LMF1: variants seen among roughly 807,000 people sequenced by gnomAD.
LMF1 encodes lipase maturation factor 1, also known as transmembrane protein 112.
LMF1 carries 68 observed loss-of-function variants against 60.6 expected under a neutral mutation model. The ratio of observed to expected loss-of-function variants is 1.12; its 90% CI spans 0.92 to 1.37. The LOEUF (loss-of-function observed/expected upper bound fraction) is 1.37, where lower values mean the gene tolerates loss of function less well. Among genes scored for constraint, LMF1 ranks in the 40% most tolerant of loss-of-function variants. LMF1 has a pLI of 0.00. For missense variants in LMF1, 948 were observed against 767.2 expected (o/e 1.24, Z -2.78); for synonymous variants, 418 against 324.7 (o/e 1.29, Z -3.09).
At chr16:904,435 C>G (rs12933983) in intron 4 of LMF1, among the ~76,000 whole-genome samples, 1 of 106,850 alleles carries the variant, frequency 9.4e-6, no homozygotes, top group Non-Finnish European at 1.8e-5. Flanking sequence ...GTGGTGACCT[C>G]TGCACTGCCT....
intron 5 of LMF1, among the ~76,000 whole-genome samples, chr16:883,029 C>G (rs57803393): frequency 0.032 from 4,409 of 137,762 alleles, 257 homozygotes; most frequent in Admixed American, 0.15. Context: ...GAGAAGCCAC[C>G]CAGCGGAGCC....
intron 4 of LMF1, among the ~76,000 whole-genome samples, chr16:895,746 C>A (rs2070645284): frequency 6.6e-6 from 1 of 152,226 alleles, no homozygotes; most frequent in Admixed American, 6.5e-5. Flanking sequence ...AAGAGCCCAG[C>A]CCGGCCCTAC....
rs1481813622 is a variant in LMF1 at position 970,803 on chromosome 16, G to C, written c.178C>G (p.Leu60Val). The change falls in exon 1 of 11, where the codon CTA becomes GTA. Residue 60 changes from leucine (L) to valine (V), a missense_variant. Coordinates refer to ENST00000262301, the MANE Select transcript of LMF1 (RefSeq NM_022773.4). The stretch of plus-strand genomic sequence containing the variant: ...CGGCACTCACAGTACACGAAGGCTA[G>C]GGCCTTCAGGAGCACGATCCGGGTC... ...WLTRIVLLKA[L>V]AFVYFVAFLV... 2 of 1,540,002 alleles carry C rather than the reference G, an allele frequency of 1.3e-6. No individual in the cohort carries two copies. Among genetic ancestry groups the C allele is most frequent in the Non-Finnish European group, 1.8e-6 (2 of 1,142,598 alleles).
intron 4 of LMF1, among the ~76,000 whole-genome samples, chr16:894,216 G>A (rs1413801864): frequency 3.1e-5 from 1 of 32,758 alleles, no homozygotes; most frequent in Non-Finnish European, 4.8e-5. Context: ...CCTGTCCACT[G>A]GACTGTCCGC....
rs112207193 is a variant in LMF1 at position 907,208 on chromosome 16, C to T, written c.663+3723G>A. ...CAAGGTCAGGAGGTCGAGACCATCC[C>T]GGCTAACACGGTGAAACCTAGTCTC... On this transcript the variant is annotated intron_variant, in intron 4 of 10. Coordinates refer to ENST00000262301, the MANE Select transcript of LMF1 (RefSeq NM_022773.4). Among the ~76,000 whole-genome samples the T allele has an allele frequency of 3.7e-3, 564 of 151,996 alleles. 9 individuals carry two copies. Among genetic ancestry groups the T allele is most frequent in the African/African-American group, 0.013 (519 of 41,434 alleles).
chr16:936,647 C>T (rs1250225088), intron 2 of LMF1, among the ~76,000 whole-genome samples: 7 of 152,192 alleles, frequency 4.6e-5, no homozygotes, highest in Non-Finnish European at 7.3e-5. Context: ...AGGATACACT[C>T]CCTGCCCCCC....
chr16:939,858 T>G (rs8055748), intron 2 of LMF1, among the ~76,000 whole-genome samples: 74,916 of 152,034 alleles, frequency 0.49, 20,735 homozygotes, highest in African/African-American at 0.75. Flanking sequence ...AGAGAAGCCC[T>G]GGGCAGTGGG....
intron 1 of LMF1, among the ~76,000 whole-genome samples, chr16:977,878 C>A (rs2073197019): frequency 6.7e-6 from 1 of 149,890 alleles, no homozygotes; most frequent in Non-Finnish European, 1.5e-5. Context: ...ACACCCACAC[C>A]CTGCACACAT....
intron 2 of LMF1, among the ~76,000 whole-genome samples, chr16:939,741 G>T (rs1029275352): frequency 6.6e-6 from 1 of 152,206 alleles, no homozygotes; most frequent in Non-Finnish European, 1.5e-5. Flanking sequence ...AAAAACTTTG[G>T]TTATTTCCAA....
intron 6 of LMF1, chr16:872,370 G>GTGTT (rs2069823921): frequency 6.6e-6 from 1 of 152,272 alleles, no homozygotes; most frequent in Admixed American, 6.5e-5. Context: ...AGCCACATCA[G>GTGTT]TGTTATGGGC....
rs2070705700 is a variant in LMF1, at chr16:897,818, G to A, written c.664-4746C>T. ...GGTGCCTGGGGTCCCGCCTGGCTCC[G>A]TGGCTTTCCTGTCTTCCTGGGATGG... is the stretch of plus-strand genomic sequence containing the variant. On this transcript the variant is annotated intron_variant, in intron 4 of 10. Coordinates refer to ENST00000262301, the MANE Select transcript of LMF1 (RefSeq NM_022773.4). This position sits in a 1 kb window ranked among gnomAD's most constrained non-coding sequence, Gnocchi z 4.3. Among the ~76,000 whole-genome samples, 1 of 152,208 alleles carries A rather than the reference G, an allele frequency of 6.6e-6. No individual in the cohort carries two copies. Among genetic ancestry groups the A allele is most frequent in the Non-Finnish European group, 1.5e-5 (1 of 68,018 alleles).
chr16:868,872 C>G (rs2069688566), intron 10 of LMF1, 72 bp downstream of exon 10: 3 of 967,030 alleles, frequency 3.1e-6, no homozygotes, highest in South Asian at 2.6e-5. Context: ...GGTGCAGGTA[C>G]AGGTGGTGGG....
At chr16:920,747 A>T (rs1567241285) in intron 3 of LMF1, among the ~76,000 whole-genome samples, 1 of 152,248 alleles carries the variant, frequency 6.6e-6, no homozygotes, top group African/African-American at 2.4e-5. Context: ...AGAAACTGGC[A>T]ACGGAAGATA....
At chr16:936,757 A>C (rs983058511) in intron 2 of LMF1, among the ~76,000 whole-genome samples, 13 of 152,242 alleles carry the variant, frequency 8.5e-5, no homozygotes, top group African/African-American at 2.9e-4. Context: ...CCTTAGTTGA[A>C]CGGAGAAAGG....
chr16:860,475 G>C (rs558513139), intron 10 of LMF1, among the ~76,000 whole-genome samples: 114 of 152,168 alleles, frequency 7.5e-4, no homozygotes, highest in African/African-American at 2.6e-3. Flanking sequence ...GAGTAGCTGG[G>C]ACTACAGGCA....
At chr16:921,192 G>A (rs572558838) in intron 3 of LMF1, 1 of 152,262 alleles carries the variant, frequency 6.6e-6, no homozygotes, top group Non-Finnish European at 1.5e-5. Flanking sequence ...CAAGCGCCTT[G>A]GAGGATAAGA....
intron 2 of LMF1, among the ~76,000 whole-genome samples, chr16:937,461 CTGACTGACAGGCCGCTGGGGTCTCTGT>C (rs2071978493): frequency 1.3e-5 from 2 of 151,582 alleles, no homozygotes; most frequent in East Asian, 1.9e-4. Context: ...GCCTCCACAC[CTGACTGACAGGCCGCTGGGGTCTCTGT>C]TGACTGACAG....
intron 1 of LMF1, among the ~76,000 whole-genome samples, chr16:955,652 G>C (rs920452059): frequency 1.3e-5 from 2 of 152,192 alleles, no homozygotes; most frequent in African/African-American, 4.8e-5. Flanking sequence ...CTAGATGCTT[G>C]TATATAAATT....
chr16:972,456 C>T (rs1338868373), upstream of LMF1, among the ~76,000 whole-genome samples: 1 of 152,176 alleles, frequency 6.6e-6, no homozygotes, highest in Non-Finnish European at 1.5e-5. Context: ...ACAGAGCCCA[C>T]GACCCGTACC....
Sources: gnomAD v4.1 joint callset for allele counts (sites outside exome capture counted in the v4.1 genomes callset) on GRCh38, gnomAD v4.1.1 for gene constraint, Gnocchi (gnomAD v3.1) non-coding constraint, MANE v1.5 for transcripts, NCBI Gene and HGNC (gene_info 2026-07-23, HGNC 2026-07-21) for gene names.